MATCAP1: variants seen among roughly 807,000 people sequenced by gnomAD.
The protein encoded by MATCAP1 is microtubule associated tyrosine carboxypeptidase 1, also known as microtubule-associated tyrosine carboxypeptidase 1.
chr16:67,182,914 G>A, the MATCAP1 span, among the ~76,000 whole-genome samples: 18 of 152,142 alleles, frequency 1.2e-4, no homozygotes, highest in Non-Finnish European at 1.9e-4. Context: ...TTGTATGATA[G>A]GTATATTTGA....
At chr16:67,179,017 A>G in the MATCAP1 span, 1 of 874,354 alleles carries the variant, frequency 1.1e-6, no homozygotes, top group Non-Finnish European at 1.5e-6. The surrounding 1 kb of genome is among the most constrained non-coding windows in gnomAD (Gnocchi z 5.2). Context: ...CTCCTAAACC[A>G]GGTGCCATGT....
chr16:67,177,281 C>G, the MATCAP1 span, among the ~76,000 whole-genome samples: 2 of 152,176 alleles, frequency 1.3e-5, no homozygotes, highest in Non-Finnish European at 2.9e-5. Flanking sequence ...CCTGGATAAC[C>G]CTCAGGATGG....
At chr16:67,180,070 A>G in the MATCAP1 span, 1 of 1,614,204 alleles carries the variant, frequency 6.2e-7, no homozygotes, top group South Asian at 1.1e-5. Flanking sequence ...GAGGCCTCGC[A>G]GTACTTTTCC....
chr16:67,183,200 C>T, the MATCAP1 span: 1 of 152,216 alleles, frequency 6.6e-6, no homozygotes, highest in African/African-American at 2.4e-5. Context: ...GGACTCCTCA[C>T]CCCTTTACAG....
chr16:67,177,196 A>G, the MATCAP1 span, among the ~76,000 whole-genome samples: 1 of 151,736 alleles, frequency 6.6e-6, no homozygotes, highest in African/African-American at 2.4e-5. Context: ...CTACAACCCC[A>G]CTTCTCTCTC....
At chr16:67,180,618 T>G in the MATCAP1 span, 1 of 1,506,880 alleles carries the variant, frequency 6.6e-7, no homozygotes, top group Non-Finnish European at 8.9e-7. Context: ...CATTCTGTCC[T>G]GGGGGTCACA....
At chr16:67,179,411 C>T in the MATCAP1 span, 4 of 1,591,692 alleles carry the variant, frequency 2.5e-6, no homozygotes, top group Admixed American at 1.7e-5. The surrounding 1 kb of genome is among the most constrained non-coding windows in gnomAD (Gnocchi z 5.2). Flanking sequence ...CCCATCTGCC[C>T]GGATACCCAC....
chr16:67,178,579 G>A, the MATCAP1 span: 1 of 1,310,572 alleles, frequency 7.6e-7, no homozygotes, highest in Non-Finnish European at 1.1e-6. Flanking sequence ...CCCTGGCCCT[G>A]TTCCATCTGG....
chr16:67,183,487 A>G, the MATCAP1 span: 1 of 151,916 alleles, frequency 6.6e-6, no homozygotes, highest in Non-Finnish European at 1.5e-5. Flanking sequence ...TCCTCCCACA[A>G]TCCCCTGAAC....
At chr16:67,179,311 C>T in the MATCAP1 span, 2 of 1,506,522 alleles carry the variant, frequency 1.3e-6, no homozygotes, top group Non-Finnish European at 1.8e-6. The surrounding 1 kb of genome is among the most constrained non-coding windows in gnomAD (Gnocchi z 5.2). Context: ...AAAGCCCCGA[C>T]CTCAGGAGGG....
At chr16:67,180,978 C>T in the MATCAP1 span, among the ~76,000 whole-genome samples, 1 of 152,210 alleles carries the variant, frequency 6.6e-6, no homozygotes, top group Non-Finnish European at 1.5e-5. Flanking sequence ...CCTCCCGCCT[C>T]AGCCTCCCAA....
chr16:67,183,276 C>G, the MATCAP1 span: 1 of 152,184 alleles, frequency 6.6e-6, no homozygotes, highest in Non-Finnish European at 1.5e-5. Flanking sequence ...TCGAAATTAC[C>G]AGAATACGCC....
At chr16:67,178,898 C>T in the MATCAP1 span, 623 of 440,784 alleles carry the variant, frequency 1.4e-3, no homozygotes, top group Non-Finnish European at 2.2e-3. Context: ...CTGATGCCCC[C>T]GGTAAAAATC....
chr16:67,182,633 C>G, the MATCAP1 span, among the ~76,000 whole-genome samples: 3 of 152,278 alleles, frequency 2.0e-5, no homozygotes, highest in African/African-American at 7.2e-5. Flanking sequence ...TCATGTCCAT[C>G]TTCACTGCAG....
chr16:67,181,281 C>G, the MATCAP1 span, among the ~76,000 whole-genome samples: 1 of 152,234 alleles, frequency 6.6e-6, no homozygotes, highest in African/African-American at 2.4e-5. Context: ...TACCCATATC[C>G]TCCTGCCTAT....
the MATCAP1 span, chr16:67,179,469 G>C: frequency 6.2e-7 from 1 of 1,612,440 alleles, no homozygotes; most frequent in Non-Finnish European, 8.5e-7. This position sits in a 1 kb window ranked among gnomAD's most constrained non-coding sequence, Gnocchi z 5.2. Flanking sequence ...CAGTACTGGC[G>C]GGCTCCGGTC....
At chr16:67,176,583 G>A in the MATCAP1 span, 3 of 424,934 alleles carry the variant, frequency 7.1e-6, no homozygotes, top group African/African-American at 4.1e-5. The surrounding 1 kb of genome is among the most constrained non-coding windows in gnomAD (Gnocchi z 4.3). Flanking sequence ...GGAGGCAGGA[G>A]GGCGACTCAG....
the MATCAP1 span, chr16:67,178,072 T>C: frequency 1.9e-6 from 3 of 1,614,072 alleles, no homozygotes; most frequent in East Asian, 2.2e-5. Flanking sequence ...ATGCGCACGA[T>C]GCCGTCCAGG....
At chr16:67,180,233 T>C in the MATCAP1 span, 46 of 1,613,874 alleles carry the variant, frequency 2.9e-5, 1 homozygote, top group Middle Eastern at 1.7e-4. Flanking sequence ...CTGCATCCCT[T>C]TGAGTCTTAG....
Sources: gnomAD v4.1 joint callset for allele counts (sites outside exome capture counted in the v4.1 genomes callset) on GRCh38, gnomAD v4.1.1 for gene constraint, Gnocchi (gnomAD v3.1) non-coding constraint, MANE v1.5 for transcripts, NCBI Gene and HGNC (gene_info 2026-07-23, HGNC 2026-07-21) for gene names.